The following ZNF462 variants were observed in gnomAD, a reference collection of about 807,000 sequenced individuals.
ZNF462 encodes the protein zinc finger protein 462, also known as zinc finger PBX1-interacting protein.
Under a neutral mutation model 201.9 loss-of-function variants are expected in ZNF462, and 10 were observed. The observed-to-expected ratio is 0.05, with a 90% CI of 0.03 to 0.08. ZNF462 has a LOEUF of 0.08. Among genes scored for constraint, ZNF462 ranks in the 10% least tolerant of loss-of-function variants. ZNF462 has a pLI of 1.00. For missense variants in ZNF462, 2,523 were observed against 3,168.3 expected, an observed-to-expected ratio of 0.80 and a Z score of 4.89; for synonymous variants, 1,227 against 1,193.3, an observed-to-expected ratio of 1.03 and a Z score of -0.58.
At chr9:106,874,167 G>C (rs534148561) in intron 1 of ZNF462, among the ~76,000 whole-genome samples, 14 of 152,206 alleles carry the variant, frequency 9.2e-5, no homozygotes, top group Non-Finnish European at 1.8e-4. Flanking sequence ...TAGTTAAAGA[G>C]AGTAAAATGG....
intron 7 of ZNF462, among the ~76,000 whole-genome samples, chr9:106,943,057 C>CCTGTGTGT (rs1554708448): frequency 7.3e-6 from 1 of 136,818 alleles, no homozygotes; most frequent in South Asian, 2.3e-4. Context: ...GTTTTGCGCG[C>CCTGTGTGT]GCGTGTGTGT....
Position 106,886,148 on chromosome 9 carries a change from G to A in ZNF462, c.-31+22793G>A, listed in dbSNP as rs958881612. 6.6e-6 allele frequency among the ~76,000 whole-genome samples: 1 copy of A among 152,166 alleles called. No individual in the cohort carries two copies. Among genetic ancestry groups the A allele is most frequent in the African/African-American group, 2.4e-5 (1 of 41,434 alleles). ...TTTGTTGGCCTTAGCCTGATAGGTG[G>A]TAGCCACATAATGACTCATTGAGCA... On this transcript the variant is annotated intron_variant, in intron 1 of 12. Transcript: ENST00000277225. This position sits in a 1 kb window ranked among gnomAD's most constrained non-coding sequence, Gnocchi z 4.6.
At chr9:106,998,629 A>G (rs967188311) in intron 10 of ZNF462, among the ~76,000 whole-genome samples, 2 of 151,722 alleles carry the variant, frequency 1.3e-5, no homozygotes, top group Non-Finnish European at 2.9e-5. Context: ...ATTTTTTGAG[A>G]TGGAGTCTTG....
chr9:106,949,333 A>G lies in ZNF462; in HGVS notation c.6427+10226A>G, dbSNP rs554558523. On this transcript the variant is annotated intron_variant, in intron 7 of 12. Transcript: ENST00000277225. ...ATAGATATTTCTTAAATTGTTTTGA[A>G]TTAGGACAGCAAAAGCAACCGCACA... 5.3e-5 allele frequency among the ~76,000 whole-genome samples: 8 copies of G among 152,294 alleles called. No individual in the cohort carries two copies. The South Asian group carries it at 1.7e-3, about 32-fold the overall frequency.
Position 106,902,654 on chromosome 9 carries a change from G to T in ZNF462, c.-30-20700G>T, listed in dbSNP as rs573952413. 6.6e-6 allele frequency among the ~76,000 whole-genome samples: 1 copy of T among 152,208 alleles called. No homozygotes were observed. Among genetic ancestry groups the T allele is most frequent in the South Asian group, 2.1e-4 (1 of 4,818 alleles). On this transcript the variant is annotated intron_variant, in intron 1 of 12. Transcript: ENST00000277225. This position sits in a 1 kb window ranked among gnomAD's most constrained non-coding sequence, Gnocchi z 4.2. The stretch of plus-strand genomic sequence containing the variant: ...ATTCTTCCTGATTTAAGCTGGGAGG[G>T]TTGTATTTTTCCAGGAATTTATCCA...
intron 1 of ZNF462, among the ~76,000 whole-genome samples, chr9:106,918,950 A>T (rs555141980): frequency 6.6e-6 from 1 of 152,362 alleles, no homozygotes; most frequent in South Asian, 2.1e-4. Context: ...CTTATAAATG[A>T]AACTAGGTTT....
intron 10 of ZNF462, among the ~76,000 whole-genome samples, chr9:107,001,674 G>A (rs573729193): frequency 6.6e-6 from 1 of 152,284 alleles, no homozygotes; most frequent in South Asian, 2.1e-4. Flanking sequence ...TGTGGACTTA[G>A]AGGGGAAGAA....
At chr9:106,909,614 A>G (rs1200742093) in intron 1 of ZNF462, among the ~76,000 whole-genome samples, 1 of 152,118 alleles carries the variant, frequency 6.6e-6, no homozygotes, top group African/African-American at 2.4e-5. Context: ...CTGGTTGTGA[A>G]CTTAGTTGGG....
chr9:106,910,885 G>C (rs1829521999), intron 1 of ZNF462, among the ~76,000 whole-genome samples: 1 of 152,096 alleles, frequency 6.6e-6, no homozygotes, highest in Non-Finnish European at 1.5e-5. Context: ...CTGCAATATA[G>C]CTTTAGGGCA....
rs1483589138 is a variant in ZNF462 at position 106,928,694 on chromosome 9, C to G, written c.4782C>G (p.Ile1594Met). 6.2e-7 allele frequency: 1 copy of G among 1,614,160 alleles called. No homozygotes were observed. Among genetic ancestry groups the G allele is most frequent in the Non-Finnish European group, 8.5e-7 (1 of 1,180,042 alleles). Residue 1594 changes from isoleucine to methionine, a missense_variant, in exon 3 of 13, where the codon ATC (isoleucine) becomes ATG (methionine). Ile to Met is a conservative substitution (Grantham distance 10, BLOSUM62 1). Coordinates refer to ENST00000277225, the MANE Select transcript of ZNF462 (RefSeq NM_021224.6). This position sits in a 1 kb window ranked among gnomAD's most constrained non-coding sequence, Gnocchi z 9.3. ...ACGGCACTTTGGAGAAACTAAAAAT[C>G]CACTACGAGAAGTATCACAATCAGC... The part of the protein sequence containing the change: ...YTHGTLEKLK[I>M]HYEKYHNQPE...
chr9:106,961,771 G>A (rs1056092497), intron 7 of ZNF462, among the ~76,000 whole-genome samples: 1 of 151,998 alleles, frequency 6.6e-6, no homozygotes, highest in South Asian at 2.1e-4. Context: ...GGGAGTCTAA[G>A]GGGGGAATTT....
chr9:106,924,457 A>G lies in ZNF462; in HGVS notation c.545A>G (p.Lys182Arg), dbSNP rs769311926. ...PRRARIIKHQ[K>R]MYHKNNLKET... Reference sequence around the variant, plus strand: ...AGGGCAAGAATAATTAAGCATCAGAAGATGTATCACAAAAACAATTTGAAG... The same window carrying G: ...AGGGCAAGAATAATTAAGCATCAGAGGATGTATCACAAAAACAATTTGAAG... The change falls in exon 3 of 13, where the codon AAG becomes AGG. Residue 182 changes from lysine to arginine, a missense_variant. Transcript: ENST00000277225. This position sits in a 1 kb window ranked among gnomAD's most constrained non-coding sequence, Gnocchi z 6.2. 7 of 1,614,186 alleles carry G rather than the reference A, an allele frequency of 4.3e-6. No homozygotes were observed. The highest frequency in any genetic ancestry group is 1.3e-5 in the African/African-American group (1 of 75,052).
At chr9:106,958,421 CA>C (rs1285856837) in intron 7 of ZNF462, among the ~76,000 whole-genome samples, 2 of 152,112 alleles carry the variant, frequency 1.3e-5, no homozygotes, top group Non-Finnish European at 2.9e-5. Flanking sequence ...ACTGTAGCTA[CA>C]CTGAATACCC....
At chr9:106,877,188 G>T (rs1025457726) in intron 1 of ZNF462, among the ~76,000 whole-genome samples, 5 of 151,794 alleles carry the variant, frequency 3.3e-5, no homozygotes, top group Non-Finnish European at 7.4e-5. Context: ...GGTGGTGGTG[G>T]TGTGGTGGTG....
chr9:106,892,679 C>T (rs1400180428), intron 1 of ZNF462, among the ~76,000 whole-genome samples: 2 of 146,858 alleles, frequency 1.4e-5, no homozygotes, highest in Non-Finnish European at 3.0e-5. Flanking sequence ...CATATACTCA[C>T]ACACACACAC....
chr9:106,987,104 G>C (rs914903562), intron 10 of ZNF462, among the ~76,000 whole-genome samples: 1 of 152,090 alleles, frequency 6.6e-6, no homozygotes, highest in East Asian at 1.9e-4. Flanking sequence ...TTTTGCAATT[G>C]TGAATTGTGC....
At chr9:106,897,231 A>ATAT (rs1828850590) in intron 1 of ZNF462, among the ~76,000 whole-genome samples, 1 of 152,170 alleles carries the variant, frequency 6.6e-6, no homozygotes, top group Non-Finnish European at 1.5e-5. Context: ...TATTTGCATC[A>ATAT]TATTATTATT....
chr9:106,993,261 G>C lies in ZNF462; in HGVS notation c.7056+8852G>C, dbSNP rs1222207645. The stretch of plus-strand genomic sequence containing the variant: ...GTCAGACTATATCATCCACGGACTG[G>C]ACAGAATCCTGGTACCAGCAAGAAA... On this transcript the variant is annotated intron_variant, in intron 10 of 12. Transcript: ENST00000277225. The surrounding 1 kb of genome is among the most constrained non-coding windows in gnomAD (Gnocchi z 4.0). Among the ~76,000 whole-genome samples the C allele has an allele frequency of 6.6e-6, 1 of 152,056 alleles. No homozygotes were observed. The highest frequency in any genetic ancestry group is 1.5e-5 in the Non-Finnish European group (1 of 68,008).
chr9:106,882,878 G>C (rs943571859), intron 1 of ZNF462, among the ~76,000 whole-genome samples: 1 of 152,090 alleles, frequency 6.6e-6, no homozygotes, highest in Non-Finnish European at 1.5e-5. Flanking sequence ...GAAGCCTCAA[G>C]GAATATAGGG....
Sources: gnomAD v4.1 joint callset for allele counts (sites outside exome capture counted in the v4.1 genomes callset) on GRCh38, gnomAD v4.1.1 for gene constraint, Gnocchi (gnomAD v3.1) non-coding constraint, MANE v1.5 for transcripts, NCBI Gene and HGNC (gene_info 2026-07-23, HGNC 2026-07-21) for gene names.